The following KLF12 variants were observed in gnomAD, a reference collection of about 807,000 sequenced individuals.
KLF12 encodes the protein Krueppel-like factor 12.
In KLF12, 9 loss-of-function variants were observed where a neutral mutation model predicts 37.8. The observed-to-expected ratio is 0.24, with a 90% CI of 0.14 to 0.42. The LOEUF is 0.42. Among genes scored for constraint, KLF12 ranks in the 10% least tolerant of loss-of-function variants. KLF12 has a pLI of 1.00. For missense variants in KLF12, 411 were observed against 516.0 expected (o/e 0.80, Z 1.97); for synonymous variants, 208 against 202.1 (o/e 1.03, Z -0.25).
At chr13:74,293,848 T>C in the KLF12 span, among the ~76,000 whole-genome samples, 15 of 152,356 alleles carry the variant, frequency 9.8e-5, no homozygotes, top group African/African-American at 3.6e-4. Flanking sequence ...AAACGTAATA[T>C]GAAATAAAAT....
chr13:73,858,249 T>C (rs1885711157), intron 3 of KLF12, among the ~76,000 whole-genome samples: 1 of 152,166 alleles, frequency 6.6e-6, no homozygotes, highest in South Asian at 2.1e-4. Context: ...TGAACAATAA[T>C]GTCATTAGAA....
At chr13:73,714,181 A>C (rs1183223207) in intron 7 of KLF12, among the ~76,000 whole-genome samples, 2 of 152,186 alleles carry the variant, frequency 1.3e-5, no homozygotes, top group Non-Finnish European at 2.9e-5. Context: ...AGTGGCTCAC[A>C]CCTGTAATCC....
At chr13:73,898,394 A>G (rs1243717215) in intron 3 of KLF12, among the ~76,000 whole-genome samples, 3 of 152,216 alleles carry the variant, frequency 2.0e-5, no homozygotes, top group Non-Finnish European at 4.4e-5. Context: ...GTTTCCTATT[A>G]AATTTGCCCA....
intron 7 of KLF12, among the ~76,000 whole-genome samples, 182 bp downstream of exon 7, chr13:73,715,186 A>G (rs1349610576): frequency 1.3e-5 from 2 of 152,158 alleles, no homozygotes; most frequent in Admixed American, 1.3e-4. Context: ...AAGCTCAAAT[A>G]CTTCACTGGT....
chr13:73,783,529 C>T (rs1182377448), intron 5 of KLF12, among the ~76,000 whole-genome samples: 2 of 151,992 alleles, frequency 1.3e-5, no homozygotes, highest in Non-Finnish European at 2.9e-5. Flanking sequence ...GATGGATATC[C>T]TAAATACCCT....
chr13:74,154,240 A>AT, the KLF12 span, among the ~76,000 whole-genome samples: 3 of 151,896 alleles, frequency 2.0e-5, no homozygotes, highest in Admixed American at 6.6e-5. Context: ...TCTCAAAAAA[A>AT]AAATACTATT....
At chr13:73,957,024 AGG>A (rs1890861064) in intron 2 of KLF12, among the ~76,000 whole-genome samples, 2 of 9,146 alleles carry the variant, frequency 2.2e-4, no homozygotes, top group East Asian at 0.011. Flanking sequence ...AAGAAAGGAA[AGG>A]AAAGGAAAGG....
chr13:74,028,682 G>C (rs924812720), intron 1 of KLF12, among the ~76,000 whole-genome samples: 2 of 151,994 alleles, frequency 1.3e-5, no homozygotes, highest in African/African-American at 4.8e-5. Context: ...TGGCTCTTAT[G>C]AGGAAAATGC....
chr13:74,255,307 A>G, the KLF12 span, among the ~76,000 whole-genome samples: 2 of 152,230 alleles, frequency 1.3e-5, no homozygotes, highest in Non-Finnish European at 2.9e-5. Flanking sequence ...TACAAAGACA[A>G]ACTTCACTCA....
At chr13:74,275,987 G>GAT in the KLF12 span, among the ~76,000 whole-genome samples, 26 of 146,120 alleles carry the variant, frequency 1.8e-4, no homozygotes, top group African/African-American at 3.8e-4. Context: ...TAAGTCCTGG[G>GAT]ATATATATAT....
chr13:74,000,287 C>T (rs1892240247), intron 1 of KLF12, among the ~76,000 whole-genome samples: 1 of 152,118 alleles, frequency 6.6e-6, no homozygotes, highest in Non-Finnish European at 1.5e-5. Context: ...ACCATACTTG[C>T]TTATACGAAG....
intron 2 of KLF12, among the ~76,000 whole-genome samples, chr13:73,977,317 T>C (rs1891556823): frequency 6.6e-6 from 1 of 152,170 alleles, no homozygotes; most frequent in Non-Finnish European, 1.5e-5. Context: ...GAGCTGGGAT[T>C]ACAGGGATGA....
At chr13:73,893,374 T>C in intron 3 of KLF12, among the ~76,000 whole-genome samples, 1 of 140,906 alleles carries the variant, frequency 7.1e-6, no homozygotes, top group Non-Finnish European at 1.5e-5. Flanking sequence ...ATTGACTTTT[T>C]TTTTTTTTTT....
the KLF12 span, among the ~76,000 whole-genome samples, chr13:74,155,386 G>A: frequency 6.6e-6 from 1 of 150,900 alleles, no homozygotes; most frequent in East Asian, 1.9e-4. Flanking sequence ...TTCTAGACAG[G>A]GTTTTGTTCT....
chr13:73,910,006 G>T (rs905090753), intron 3 of KLF12, among the ~76,000 whole-genome samples: 2 of 152,004 alleles, frequency 1.3e-5, no homozygotes, highest in Non-Finnish European at 2.9e-5. Context: ...TCAGCAATGT[G>T]AGCAGAACAG....
the KLF12 span, among the ~76,000 whole-genome samples, chr13:74,283,842 A>G: frequency 6.8e-6 from 1 of 147,218 alleles, no homozygotes; most frequent in Non-Finnish European, 1.5e-5. Flanking sequence ...AGTATCATCC[A>G]TAAGTATGTA....
chr13:73,799,425 AAT>A (rs556118967), intron 5 of KLF12, among the ~76,000 whole-genome samples: 22 of 152,060 alleles, frequency 1.4e-4, no homozygotes, highest in Non-Finnish European at 2.5e-4. Context: ...GAAATGAAAA[AAT>A]ATATATATAT....
At chr13:73,752,728 A>T (rs12323169) in intron 6 of KLF12, among the ~76,000 whole-genome samples, 86,944 of 115,532 alleles carry the variant, frequency 0.75, 29,499 homozygotes, top group East Asian at 0.89. Flanking sequence ...TTCCACATAT[A>T]TATTTTTTTT....
the KLF12 span, among the ~76,000 whole-genome samples, chr13:74,237,308 T>C: frequency 6.9e-6 from 1 of 144,250 alleles, no homozygotes; most frequent in Non-Finnish European, 1.5e-5. Context: ...TATATCTCTG[T>C]TTTGGTACAA....
Sources: allele counts gnomAD v4.1 joint callset (sites outside exome capture counted in the v4.1 genomes callset), GRCh38; gene constraint gnomAD v4.1.1; transcripts MANE v1.5; gene names NCBI Gene and HGNC (gene_info 2026-07-23, HGNC 2026-07-21).